The following NIPSNAP1 variants were observed in gnomAD, a reference collection of about 807,000 sequenced individuals.
The protein encoded by NIPSNAP1 is nipsnap homolog 1, also known as protein NipSnap homolog 1.
Under a neutral mutation model 49.2 loss-of-function variants are expected in NIPSNAP1, and 25 were observed. The observed-to-expected ratio is 0.51, with a 90% CI of 0.37 to 0.71. NIPSNAP1 has a LOEUF of 0.71. Among genes scored for constraint, NIPSNAP1 ranks in the 30% least tolerant of loss-of-function variants. NIPSNAP1 has a pLI of 0.00. For missense variants in NIPSNAP1, 294 were observed against 361.0 expected, an observed-to-expected ratio of 0.81 and a Z score of 1.50; for synonymous variants, 143 against 140.7, an observed-to-expected ratio of 1.02 and a Z score of -0.12.
intron 8 of NIPSNAP1, 143 bp downstream of exon 8, chr22:29,560,591 C>A: frequency 3.9e-6 from 3 of 762,290 alleles, no homozygotes; most frequent in Non-Finnish European, 7.0e-6. Context: ...TGAAATTGAT[C>A]TTTTTGTGAC....
rs572059046 is a variant in NIPSNAP1 at position 29,561,354 on chromosome 22, T to C, written c.579+152A>G. The C allele has an allele frequency of 1.6e-4, 225 of 1,409,650 alleles. No homozygotes were observed. The African/African-American group carries it at 2.8e-3, about 17-fold the overall frequency. The allele number at this position is 1,409,650 out of a possible 1,614,324, so 87.3% of individuals were successfully genotyped here. ...TTCGCAGGCCCTGACACACACCTGG[T>C]GTGCATGTTTGCACACATGTGTATA... On this transcript the variant is annotated intron_variant, in intron 6 of 9. Coordinates refer to ENST00000216121, the MANE Select transcript of NIPSNAP1 (RefSeq NM_003634.4).
Position 29,561,830 on chromosome 22 carries a change from C to T in NIPSNAP1, c.400G>A (p.Ala134Thr). Reference sequence around the variant, plus strand: ...AGCTTGTTCATGCAGTCCATGAGGGCTGGGTAGCCACCTGAGAATCGCCAC... The same window carrying T: ...AGCTTGTTCATGCAGTCCATGAGGGTTGGGTAGCCACCTGAGAATCGCCAC... ...HLWRFSGGYP[A>T]LMDCMNKLKN... The change falls in exon 5 of 10, where the codon GCC becomes ACC. Residue 134 changes from alanine to threonine, a missense_variant. By Grantham distance (58) the Ala-to-Thr change is moderately conservative (BLOSUM62 0). This residue lies in a region of NIPSNAP1 where 146 missense variants were observed against 219.9 expected (regional missense o/e 0.66). Transcript: ENST00000216121. The T allele has an allele frequency of 1.2e-6, 2 of 1,614,110 alleles. No individual in the cohort carries two copies. The highest frequency in any genetic ancestry group is 1.7e-6 in the Non-Finnish European group (2 of 1,180,024).
intron 1 of NIPSNAP1, among the ~76,000 whole-genome samples, chr22:29,570,786 TTC>T (rs1483175616): frequency 1.3e-5 from 2 of 152,046 alleles, no homozygotes; most frequent in African/African-American, 4.8e-5. Context: ...CACCTCCCAC[TTC>T]TCTCTCTAGC....
intron 8 of NIPSNAP1, 45 bp from the exon 9 acceptor site, chr22:29,558,998 ATC>A (rs1163794722): frequency 2.1e-6 from 3 of 1,420,482 alleles, no homozygotes; most frequent in Non-Finnish European, 3.0e-6. Flanking sequence ...AGAGGACTGG[ATC>A]CCTTACCCAG....
In NIPSNAP1 at chr22:29,570,560, G is replaced by A. The variant is rs200267110; in HGVS notation, c.99-28C>T. ...GCAGGACAGAGGAGTTGAGGGGGAC[G>A]CGCGGAGGTTGGGGGAGCCCCAGCA... On this transcript the variant is annotated intron_variant, in intron 1 of 9. Coordinates refer to ENST00000216121, the MANE Select transcript of NIPSNAP1 (RefSeq NM_003634.4). The A allele has an allele frequency of 9.6e-5, 155 of 1,606,812 alleles. 1 individual carries two copies. The East Asian group carries it at 9.9e-4, about 10-fold the overall frequency.
In NIPSNAP1 at chr22:29,561,493, C is replaced by T. The variant is rs376419305; in HGVS notation, c.579+13G>A. ...AATTGGGGGGCAGGAGGGGGTCTGT[C>T]GGAGGGAGGCACCTTGAGCTTGTAT... On this transcript the variant is annotated intron_variant, in intron 6 of 9. Transcript: ENST00000216121. 18 of 1,613,838 alleles carry T rather than the reference C, an allele frequency of 1.1e-5. No homozygotes were observed. The highest frequency in any genetic ancestry group is 1.7e-4 in the Middle Eastern group (1 of 6,036).
chr22:29,561,779 G>A lies in NIPSNAP1; in HGVS notation c.438+13C>T. 1 of 1,613,906 alleles carries A rather than the reference G, an allele frequency of 6.2e-7. No homozygotes were observed. The highest frequency in any genetic ancestry group is 8.5e-7 in the Non-Finnish European group (1 of 1,179,810). ...CACATCCAGAGAGGTGTGCTGAGTG[G>A]ACACTAACATACCTTATTGTTTTTG... On this transcript the variant is annotated intron_variant, in intron 5 of 9. Transcript: ENST00000216121.
intron 7 of NIPSNAP1, 94 bp downstream of exon 7, chr22:29,561,077 T>C: frequency 8.4e-7 from 1 of 1,194,388 alleles, no homozygotes; most frequent in Non-Finnish European, 1.2e-6. Flanking sequence ...TTCCCTGTGA[T>C]ATGGCCCTGG....
chr22:29,580,981 T>A lies in NIPSNAP1; in HGVS notation c.98+4A>T. On this transcript the variant is annotated splice_donor_region_variant and intron_variant, in intron 1 of 9. Coordinates refer to ENST00000216121, the MANE Select transcript of NIPSNAP1 (RefSeq NM_003634.4). ...CGTCTATCCCTGCCTGGCCGGGCTC[T>A]CACCGCGCCGCAGCTGCAGACGCAA... 3.3e-6 allele frequency: 5 copies of A among 1,529,616 alleles called. No individual in the cohort carries two copies. Among genetic ancestry groups the A allele is most frequent in the Non-Finnish European group, 4.4e-6 (5 of 1,143,702 alleles). The allele number at this position is 1,529,616 out of a possible 1,614,324, so 94.8% of individuals were successfully genotyped here.
In NIPSNAP1 at chr22:29,570,486, C is replaced by A; in HGVS notation, c.145G>T (p.Val49Phe). 1 of 1,614,118 alleles carries A rather than the reference C, an allele frequency of 6.2e-7. No homozygotes were observed. Residue 49 changes from valine to phenylalanine, a missense_variant, in exon 2 of 10, where the codon GTT (valine) becomes TTT (phenylalanine). By Grantham distance (50) the Val-to-Phe change is conservative (BLOSUM62 -1). Transcript: ENST00000216121. Reference protein sequence around the residue: ...NEGSWFRSLFVHKVDPRKDAH... With the variant: ...NEGSWFRSLFFHKVDPRKDAH... ...TCCTTCCGGGGATCCACTTTGTGAA[C>A]AAAGAGGGAGCGGAACCAGCTGCCT...
At chr22:29,570,609 C>G (rs2064401439) in intron 1 of NIPSNAP1, 77 bp from the exon 2 acceptor site, 1 of 1,550,670 alleles carries the variant, frequency 6.4e-7, no homozygotes, top group African/African-American at 1.4e-5. Flanking sequence ...GGATGTCCTG[C>G]TCCCCTAGAC....
chr22:29,555,888 G>A lies in NIPSNAP1; in HGVS notation c.*47C>T, dbSNP rs369078543. On this transcript the variant is annotated 3_prime_UTR_variant, in exon 10 of 10. Coordinates refer to ENST00000216121, the MANE Select transcript of NIPSNAP1 (RefSeq NM_003634.4). ...AGGACCAGGAGTGCCACTGTCTGTC[G>A]GGGTTGCCTGAGGGAGAAGGGGAAG... 2.8e-5 allele frequency: 43 copies of A among 1,521,396 alleles called. No homozygotes were observed. The highest frequency in any genetic ancestry group is 3.2e-5 in the Non-Finnish European group (36 of 1,119,540). 94.2% of individuals were successfully genotyped at this position (1,521,396 alleles called of 1,614,324 possible). A position where few individuals can be genotyped will look rare whatever the true frequency, so the allele number is the denominator to read the frequency against.
At chr22:29,562,967 C>T (rs191174374) in intron 4 of NIPSNAP1, among the ~76,000 whole-genome samples, 6 of 151,826 alleles carry the variant, frequency 4.0e-5, no homozygotes, top group South Asian at 2.1e-4. Flanking sequence ...GGCGTGGTGG[C>T]GGGCACCTAT....
intron 4 of NIPSNAP1, 93 bp from the exon 5 acceptor site, chr22:29,561,955 C>A (rs468986): frequency 7.1e-6 from 8 of 1,133,638 alleles, no homozygotes; most frequent in Non-Finnish European, 1.1e-5. Context: ...ACGGGGGAGG[C>A]GGGGTGGCCT....
intron 1 of NIPSNAP1, among the ~76,000 whole-genome samples, chr22:29,573,499 T>C (rs949346637): frequency 3.9e-5 from 6 of 152,074 alleles, no homozygotes; most frequent in African/African-American, 1.2e-4. Flanking sequence ...CTGGGTACGG[T>C]GGCTCACGCC....
At chr22:29,574,016 G>A (rs2064430424) in intron 1 of NIPSNAP1, among the ~76,000 whole-genome samples, 1 of 151,894 alleles carries the variant, frequency 6.6e-6, no homozygotes. Context: ...AGCATTTTGG[G>A]AGGCTGAGGC....
chr22:29,572,990 T>A (rs1025471532), intron 1 of NIPSNAP1, among the ~76,000 whole-genome samples: 9 of 151,260 alleles, frequency 6.0e-5, no homozygotes, highest in African/African-American at 9.7e-5. Context: ...AAAAAAAAAA[T>A]TTCTTTTTAA....
At chr22:29,558,521 C>T (rs1040893807) in intron 9 of NIPSNAP1, among the ~76,000 whole-genome samples, 2 of 151,990 alleles carry the variant, frequency 1.3e-5, no homozygotes, top group Non-Finnish European at 2.9e-5. Flanking sequence ...TTTGTAGAAT[C>T]TTCCGTTATA....
intron 5 of NIPSNAP1, 57 bp from the exon 6 acceptor site, chr22:29,561,703 G>A: frequency 6.2e-7 from 1 of 1,614,068 alleles, no homozygotes; most frequent in Non-Finnish European, 8.5e-7. Context: ...TCCTGACAGT[G>A]TGCCTCATGG....
Sources: gnomAD v4.1 joint callset for allele counts (sites outside exome capture counted in the v4.1 genomes callset) on GRCh38, gnomAD v4.1.1 for gene constraint, gnomAD v4.1.1 regional missense constraint, MANE v1.5 for transcripts, NCBI Gene and HGNC (gene_info 2026-07-23, HGNC 2026-07-21) for gene names.